DRC5: variants seen among roughly 807,000 people sequenced by gnomAD.
The protein encoded by DRC5 is dynein regulatory complex subunit 5.
At chr6:44,282,503 T>TA in the DRC5 span, 121 of 1,606,830 alleles carry the variant, frequency 7.5e-5, no homozygotes, top group Non-Finnish European at 9.7e-5. Context: ...CCAGAAGGCT[T>TA]CGAATTATGA....
the DRC5 span, among the ~76,000 whole-genome samples, chr6:44,289,002 A>AAAAAAAAG: frequency 8.5e-6 from 1 of 117,076 alleles, no homozygotes; most frequent in Non-Finnish European, 2.0e-5. Flanking sequence ...TCAAAAAAAA[A>AAAAAAAAG]AAAAAAAAAA....
At chr6:44,289,017 A>AAAG in the DRC5 span, among the ~76,000 whole-genome samples, 37 of 139,694 alleles carry the variant, frequency 2.6e-4, no homozygotes, top group Non-Finnish European at 4.7e-4. Flanking sequence ...AAAAAAAAAA[A>AAAG]AAAAAGAAAA....
chr6:44,285,197 G>A, the DRC5 span, among the ~76,000 whole-genome samples: 14 of 152,256 alleles, frequency 9.2e-5, no homozygotes, highest in Non-Finnish European at 2.1e-4. Flanking sequence ...ATTTGTTCAG[G>A]GAAGCCTTCC....
At chr6:44,285,886 TAGAGGAGGA>T in the DRC5 span, 1 of 1,301,998 alleles carries the variant, frequency 7.7e-7, no homozygotes, top group Non-Finnish European at 1.1e-6. Flanking sequence ...AAGGCAATAA[TAGAGGAGGA>T]AGAGGAGGGG....
At chr6:44,289,016 A>G in the DRC5 span, among the ~76,000 whole-genome samples, 3 of 143,658 alleles carry the variant, frequency 2.1e-5, no homozygotes, top group African/African-American at 7.6e-5. Context: ...AAAAAAAAAA[A>G]AAAAAAGAAA....
chr6:44,293,454 TAAAA>T, the DRC5 span, among the ~76,000 whole-genome samples: 1,393 of 150,896 alleles, frequency 9.2e-3, 24 homozygotes, highest in African/African-American at 0.032. Flanking sequence ...CTCTAAAAAA[TAAAA>T]AAAATCTTCT....
chr6:44,282,475 C>A, the DRC5 span: 1 of 1,611,880 alleles, frequency 6.2e-7, no homozygotes, highest in Non-Finnish European at 8.5e-7. Context: ...AAGTCCAGCT[C>A]CTCGAGGACT....
chr6:44,296,056 C>G, the DRC5 span, among the ~76,000 whole-genome samples: 19 of 152,070 alleles, frequency 1.2e-4, no homozygotes, highest in Admixed American at 1.2e-3. Flanking sequence ...CACTATTGTC[C>G]CCATTTCACA....
chr6:44,287,955 G>T, the DRC5 span: 4 of 1,143,346 alleles, frequency 3.5e-6, no homozygotes, highest in Non-Finnish European at 4.8e-6. Flanking sequence ...TGTTACTTTG[G>T]TGGGTCTTGG....
At chr6:44,282,333 A>G in the DRC5 span, 1 of 1,614,242 alleles carries the variant, frequency 6.2e-7, no homozygotes. Flanking sequence ...GTTGTGTGCC[A>G]GAGCGTGAGC....
At chr6:44,286,396 G>A in the DRC5 span, 3 of 1,614,170 alleles carry the variant, frequency 1.9e-6, no homozygotes, top group Non-Finnish European at 2.5e-6. Context: ...ACACGGGCCA[G>A]CGATGCATGC....
chr6:44,293,605 G>A, the DRC5 span, among the ~76,000 whole-genome samples: 1 of 152,188 alleles, frequency 6.6e-6, no homozygotes, highest in Non-Finnish European at 1.5e-5. Context: ...TCTGAGGGCA[G>A]GTCTCCTACC....
chr6:44,286,476 G>C, the DRC5 span: 2 of 1,614,076 alleles, frequency 1.2e-6, no homozygotes, highest in African/African-American at 2.7e-5. Flanking sequence ...TCAGGGGACA[G>C]GTGGTTCAGG....
chr6:44,281,592 C>A, the DRC5 span, among the ~76,000 whole-genome samples: 1 of 152,214 alleles, frequency 6.6e-6, no homozygotes, highest in Non-Finnish European at 1.5e-5. Flanking sequence ...ACCATGTTGG[C>A]CAGACTGGTC....
the DRC5 span, among the ~76,000 whole-genome samples, chr6:44,293,306 CAAAAAA>C: frequency 2.4e-4 from 21 of 88,864 alleles, no homozygotes; most frequent in African/African-American, 8.0e-4. Context: ...ACTATCCTCT[CAAAAAA>C]AAAAAAAAAA....
chr6:44,282,520 C>A, the DRC5 span: 2 of 1,601,278 alleles, frequency 1.2e-6, no homozygotes, highest in Middle Eastern at 1.7e-4. Context: ...ATGATGCGTG[C>A]CTTGTCATCA....
the DRC5 span, among the ~76,000 whole-genome samples, chr6:44,292,611 G>GATTCTGGC: frequency 6.6e-3 from 1,011 of 152,286 alleles, 7 homozygotes; most frequent in African/African-American, 0.023. Context: ...TCTGATAATA[G>GATTCTGGC]ATTCTGGCCA....
chr6:44,279,748 G>GGGGTGTGTGTGTGTGTGTGT, the DRC5 span: 1 of 135,254 alleles, frequency 7.4e-6, no homozygotes, highest in African/African-American at 2.8e-5. Context: ...GTAGCCAGAG[G>GGGGTGTGTGTGTGTGTGTGT]GTGTGTGTGT....
At chr6:44,293,933 T>C in the DRC5 span, among the ~76,000 whole-genome samples, 3 of 152,174 alleles carry the variant, frequency 2.0e-5, no homozygotes, top group Non-Finnish European at 4.4e-5. Context: ...TCATTTTAGG[T>C]CAAACAAAAG....
Sources: gnomAD v4.1 joint callset for allele counts (sites outside exome capture counted in the v4.1 genomes callset) on GRCh38, gnomAD v4.1.1 for gene constraint, MANE v1.5 for transcripts, NCBI Gene and HGNC (gene_info 2026-07-23, HGNC 2026-07-21) for gene names.